KRT81: variants seen among roughly 807,000 people sequenced by gnomAD.
The protein encoded by KRT81 is keratin, type II cuticular Hb1.
Under a neutral mutation model 35.8 loss-of-function variants are expected in KRT81, and 35 were observed. The observed-to-expected ratio is 0.98, with a 90% CI of 0.75 to 1.30. The LOEUF is 1.30. Among genes scored for constraint, KRT81 ranks in the 50% most tolerant of loss-of-function variants. The probability of loss-of-function intolerance (pLI) is 0.00; values close to 1 mark genes in which losing one functional copy is unlikely to be tolerated. For synonymous variants in KRT81, 249 were observed against 251.2 expected, an observed-to-expected ratio of 0.99 and a Z score of 0.08; for missense variants, 531 against 577.4, an observed-to-expected ratio of 0.92 and a Z score of 0.82.
chr12:52,286,692 C>T, intron 8 of KRT81, 99 bp downstream of exon 8: 3 of 1,373,998 alleles, frequency 2.2e-6, no homozygotes, highest in South Asian at 1.2e-5. Context: ...TGCCAGCCCA[C>T]TCTTTTATAT....
At position 52,288,038 on chromosome 12, in the gene KRT81, A is replaced by G. The variant is rs138597671; in HGVS notation, c.846T>C (p.Tyr282=). 26 of 1,614,060 alleles carry G rather than the reference A, an allele frequency of 1.6e-5. No homozygotes were observed. In the South Asian group the frequency reaches 1.9e-4, roughly 12 times the overall value. Residue 282 remains tyrosine, a synonymous_variant, in exon 5 of 9, where the codon TAT becomes TAC. Coordinates refer to ENST00000327741, the MANE Select transcript of KRT81 (RefSeq NM_002281.4). ...CCCGGCTGCGGGTGACAATGTCGTC[A>G]TACTGTGCCTTAATCTCGGCAATGA... is the stretch of plus-strand genomic sequence containing the variant. The part of the protein sequence containing the change: ...DCIIAEIKAQ[Y]DDIVTRSRAE...
At position 52,286,510 on chromosome 12, in the gene KRT81, C is replaced by G. The variant is rs1028797621; in HGVS notation, c.1280-17G>C. On this transcript the variant is annotated splice_polypyrimidine_tract_variant and intron_variant, in intron 8 of 8. Transcript: ENST00000327741. ...TGCTGACACCTGTGAACCCCGAAGG[C>G]TGAGTCAAAATTCTGAAGGGCAAGC... The G allele has an allele frequency of 1.3e-6, 2 of 1,551,098 alleles. No individual in the cohort carries two copies. The highest frequency in any genetic ancestry group is 3.9e-5 in the Admixed American group (2 of 51,188).
At chr12:52,288,196 C>T (rs1434788431) in intron 4 of KRT81, 48 bp from the exon 5 acceptor site, 1 of 1,599,524 alleles carries the variant, frequency 6.3e-7, no homozygotes, top group Non-Finnish European at 8.6e-7. Flanking sequence ...CAGCCCCACC[C>T]ACCATGTCCT....
At chr12:52,289,005 C>A (rs1370412001) in intron 3 of KRT81, among the ~76,000 whole-genome samples, 1 of 132,376 alleles carries the variant, frequency 7.6e-6, no homozygotes, top group African/African-American at 3.0e-5. Context: ...TCCCCTTGCC[C>A]AAGGTAGGTG....
intron 7 of KRT81, 37 bp downstream of exon 7, chr12:52,287,065 G>A: frequency 1.2e-6 from 2 of 1,612,530 alleles, no homozygotes; most frequent in East Asian, 2.2e-5. Context: ...CCAGGGATGG[G>A]GAAGGGTGGT....
Position 52,286,160 on chromosome 12 carries a change from A to G in KRT81, c.*95T>C. ...GAGGGGTCTTTCAAAGTGCAGGAGAAGTAGCTGAGCACTTGCTCCAGGCGC... is the reference window on the plus strand; with the variant it reads ...GAGGGGTCTTTCAAAGTGCAGGAGAGGTAGCTGAGCACTTGCTCCAGGCGC... On this transcript the variant is annotated 3_prime_UTR_variant, in exon 9 of 9. Transcript: ENST00000327741. 2 of 964,630 alleles carry G rather than the reference A, an allele frequency of 2.1e-6. No individual in the cohort carries two copies. The highest frequency in any genetic ancestry group is 3.3e-6 in the Non-Finnish European group (2 of 614,650). 59.8% of individuals were successfully genotyped at this position (964,630 alleles called of 1,614,324 possible).
At chr12:52,287,569 C>G (rs1937988970) in intron 6 of KRT81, 27 bp downstream of exon 6, 1 of 1,613,964 alleles carries the variant, frequency 6.2e-7, no homozygotes, top group Non-Finnish European at 8.5e-7. Context: ...CTCGGTCTCT[C>G]TGACCTTGCG....
rs781499301 is a variant in KRT81 at position 52,291,456 on chromosome 12, C to A, written c.10G>T (p.Gly4Ter). The change falls in exon 1 of 9, where the codon GGA becomes TGA. Residue 4 changes from glycine (G) to a stop codon, truncating the protein, a stop_gained. Transcript: ENST00000327741. LOFTEE classifies it high-confidence loss of function. ...AAGGCGCGCCCACCAAATCCTGATC[C>A]GCAGGTCATGATCCTCCTGGACGTT... The part of the protein sequence containing the change: MTC[G>*]SGFGGRAFSC... 1.9e-6 allele frequency: 3 copies of A among 1,612,818 alleles called. No individual in the cohort carries two copies. Among genetic ancestry groups the A allele is most frequent in the African/African-American group, 1.3e-5 (1 of 74,900 alleles).
In KRT81 at chr12:52,288,464, G is replaced by C. The variant is rs767675428; in HGVS notation, c.640-8C>G. On this transcript the variant is annotated splice_polypyrimidine_tract_variant and splice_region_variant and intron_variant, in intron 3 of 8. Coordinates refer to ENST00000327741, the MANE Select transcript of KRT81 (RefSeq NM_002281.4). ...GTAGGCGCAGTCCACATCCTGGAAAGGTGGGGAGTGTTGGAGCTCAAGGAC... is the reference window on the plus strand; with the variant it reads ...GTAGGCGCAGTCCACATCCTGGAAACGTGGGGAGTGTTGGAGCTCAAGGAC... The C allele has an allele frequency of 6.2e-7, 1 of 1,614,066 alleles. No individual in the cohort carries two copies. Among genetic ancestry groups the C allele is most frequent in the African/African-American group, 1.3e-5 (1 of 74,940 alleles).
At chr12:52,286,530 G>A (rs1282290245) in intron 8 of KRT81, 37 bp from the exon 9 acceptor site, 1 of 1,543,628 alleles carries the variant, frequency 6.5e-7, no homozygotes, top group Non-Finnish European at 8.8e-7. Flanking sequence ...ATTCTGAAGG[G>A]CAAGCCATCC....
rs1249424548 is a variant in KRT81, at chr12:52,286,421, C to G, written c.1352G>C (p.Ser451Thr). The G allele has an allele frequency of 3.2e-6, 5 of 1,553,522 alleles. 1 individual carries two copies. The South Asian group carries it at 5.9e-5, about 18-fold the overall frequency. The change falls in exon 9 of 9, where the codon AGT (serine) becomes ACT (threonine). Residue 451 changes from serine (S) to threonine (T), a missense_variant. Physicochemically the swap from Ser to Thr is moderately conservative, Grantham distance 58 (BLOSUM62 1). Coordinates refer to ENST00000327741, the MANE Select transcript of KRT81 (RefSeq NM_002281.4). ...CVSGSRPVTG[S>T]VCSAPCNGNV... ...CCCGTTGCACGGAGCGCTGCAGACA[C>G]TGCCAGTCACTGGCCGGGAGCCTGA...
Position 52,288,037 on chromosome 12 carries a change from C to T in KRT81, c.847G>A (p.Asp283Asn). ...GCCCGGCTGCGGGTGACAATGTCGT[C>T]ATACTGTGCCTTAATCTCGGCAATG... is the stretch of plus-strand genomic sequence containing the variant. ...CIIAEIKAQY[D>N]DIVTRSRAEA... The change falls in exon 5 of 9, where the codon GAC becomes AAC. Residue 283 changes from aspartate to asparagine, a missense_variant. This residue lies in a region of KRT81 where 194 missense variants were observed against 198.2 expected (regional missense o/e 0.98). Coordinates refer to ENST00000327741, the MANE Select transcript of KRT81 (RefSeq NM_002281.4). The T allele has an allele frequency of 6.2e-7, 1 of 1,614,240 alleles. No individual in the cohort carries two copies. Among genetic ancestry groups the T allele is most frequent in the South Asian group, 1.1e-5 (1 of 91,084 alleles).
At position 52,286,046 on chromosome 12, in the gene KRT81, G is replaced by A. The variant is rs554468774; in HGVS notation, c.*209C>T. On this transcript the variant is annotated 3_prime_UTR_variant, in exon 9 of 9. Transcript: ENST00000327741. Reference sequence around the variant, plus strand: ...GAGGCCCCTTCCTATGGGTGCCAGCGGACTTCTTTCTAGGGTGGCCTTTCC... The same window carrying A: ...GAGGCCCCTTCCTATGGGTGCCAGCAGACTTCTTTCTAGGGTGGCCTTTCC... The A allele has an allele frequency of 2.9e-4, 173 of 596,082 alleles. No individual in the cohort carries two copies. In the African/African-American group the frequency reaches 2.9e-3, roughly 10 times the overall value. The allele number at this position is 596,082 out of a possible 1,614,324, so 36.9% of individuals were successfully genotyped here.
Position 52,286,461 on chromosome 12 carries a change from C to T in KRT81, c.1312G>A (p.Gly438Arg), listed in dbSNP as rs374136296. 2.0e-4 allele frequency: 308 copies of T among 1,552,592 alleles called. 1 individual carries two copies. The highest frequency in any genetic ancestry group is 5.6e-4 in the South Asian group (47 of 84,152). Residue 438 changes from glycine to arginine, a missense_variant, in exon 9 of 9, where the codon GGG becomes AGG. Gly to Arg is a moderately radical substitution (Grantham distance 125). Coordinates refer to ENST00000327741, the MANE Select transcript of KRT81 (RefSeq NM_002281.4). ...CGGGAGCCTGACACGCAGAGGTCCC[C>T]GCACACGACCCCGCCCCGGGAGCTG... ...VSSSRGGVVC[G>R]DLCVSGSRPV...
In KRT81 at chr12:52,287,628, G is replaced by A; in HGVS notation, c.994C>T (p.Leu332=). 6.2e-7 allele frequency: 1 copy of A among 1,613,946 alleles called. No individual in the cohort carries two copies. The highest frequency in any genetic ancestry group is 8.5e-7 in the Non-Finnish European group (1 of 1,179,852). Residue 332 remains leucine, a synonymous_variant, in exon 6 of 9, where the codon CTG becomes TTG. Coordinates refer to ENST00000327741, the MANE Select transcript of KRT81 (RefSeq NM_002281.4). ...TTGGCATTCTCCACCTCGGCCGTCA[G>A]CCTTTGGATCATGCGGTTCAGCTCA... is the stretch of plus-strand genomic sequence containing the variant. ...INELNRMIQR[L]TAEVENAKCQ...
Position 52,291,501 on chromosome 12 carries a change from T to C in KRT81, c.-36A>G. On this transcript the variant is annotated 5_prime_UTR_variant, in exon 1 of 9. Coordinates refer to ENST00000327741, the MANE Select transcript of KRT81 (RefSeq NM_002281.4). ...GACGTTTGGGTTGCAGAGGACAGGA[T>C]AGGGGACCTGGAGTCCTGATGGAAA... 1.2e-6 allele frequency: 2 copies of C among 1,610,204 alleles called. No individual in the cohort carries two copies. Among genetic ancestry groups the C allele is most frequent in the South Asian group, 1.1e-5 (1 of 90,494 alleles).
In KRT81 at chr12:52,288,419, T is replaced by C; in HGVS notation, c.677A>G (p.Glu226Gly). 1 of 1,614,158 alleles carries C rather than the reference T, an allele frequency of 6.2e-7. No individual in the cohort carries two copies. The highest frequency in any genetic ancestry group is 8.5e-7 in the Non-Finnish European group (1 of 1,180,010). The change falls in exon 4 of 9, where the codon GAG becomes GGG. Residue 226 changes from glutamate to glycine, a missense_variant. Around this residue, in one of 5 missense-constraint regions of KRT81, gnomAD observed 194 missense variants for 198.2 expected, o/e 0.98. Coordinates refer to ENST00000327741, the MANE Select transcript of KRT81 (RefSeq NM_002281.4). Reference sequence around the variant, plus strand: ...CTGGATCAGGGCCTCCACGTTGGCCTCCAGGTCTGACTTGCGGAGGTAGGC... The same window carrying C: ...CTGGATCAGGGCCTCCACGTTGGCCCCCAGGTCTGACTTGCGGAGGTAGGC... ...DCAYLRKSDL[E>G]ANVEALIQEI...
At position 52,287,183 on chromosome 12, in the gene KRT81, T is replaced by TG. The variant is rs1937972772; in HGVS notation, c.1165_1166insC (p.Tyr389SerfsTer31). 6.2e-7 allele frequency: 1 copy of TG among 1,613,640 alleles called. No individual in the cohort carries two copies. The highest frequency in any genetic ancestry group is 1.7e-5 in the Admixed American group (1 of 60,008). On this transcript the variant is annotated frameshift_variant, in exon 7 of 9. Coordinates refer to ENST00000327741, the MANE Select transcript of KRT81 (RefSeq NM_002281.4). LOFTEE classifies it high-confidence loss of function. Reference sequence around the variant, plus strand: ...CAGCTTGGAGTTCATCACCTCCTGGTACTCCCTGATCAGGCAGGCCATGTC... The same window carrying TG: ...CAGCTTGGAGTTCATCACCTCCTGGTGACTCCCTGATCAGGCAGGCCATGTC...
intron 7 of KRT81, 81 bp downstream of exon 7, chr12:52,287,021 C>T: frequency 1.2e-6 from 2 of 1,609,994 alleles, no homozygotes; most frequent in African/African-American, 1.3e-5. Flanking sequence ...AGAGCCCTGG[C>T]CATTGCTCAG....
Sources: gnomAD v4.1 joint callset for allele counts (sites outside exome capture counted in the v4.1 genomes callset) on GRCh38, gnomAD v4.1.1 for gene constraint, gnomAD v4.1.1 regional missense constraint, MANE v1.5 for transcripts, NCBI Gene and HGNC (gene_info 2026-07-23, HGNC 2026-07-21) for gene names.